The following NCAPH variants were observed in gnomAD, a reference collection of about 807,000 sequenced individuals.
The protein encoded by NCAPH is condensin complex subunit 2.
NCAPH carries 38 observed loss-of-function variants against 85.5 expected under a neutral mutation model. The observed-to-expected ratio is 0.44, with a 90% CI of 0.34 to 0.58. NCAPH has a LOEUF of 0.58. Ranked by LOEUF, NCAPH falls within the 20% of genes least tolerant of loss-of-function variation. NCAPH has a pLI of 0.01. For missense variants in NCAPH, 789 were observed against 916.6 expected, an observed-to-expected ratio of 0.86 and a Z score of 1.80; for synonymous variants, 301 against 335.1, an observed-to-expected ratio of 0.90 and a Z score of 1.11.
chr2:96,350,530 G>T (rs1207203379), intron 6 of NCAPH, among the ~76,000 whole-genome samples: 1 of 152,146 alleles, frequency 6.6e-6, no homozygotes, highest in East Asian at 1.9e-4. Context: ...ATGGGAATTG[G>T]GAGAGGCCAG....
In NCAPH at chr2:96,374,491, G is replaced by A. The variant is rs550981796; in HGVS notation, c.*1140G>A. Reference sequence around the variant, plus strand: ...GTCCTGGATCTCTGCCAGAACACCCGTCATCATTGACTGGCTAAATAGAGA... The same window carrying A: ...GTCCTGGATCTCTGCCAGAACACCCATCATCATTGACTGGCTAAATAGAGA... On this transcript the variant is annotated 3_prime_UTR_variant, in exon 18 of 18. Transcript: ENST00000240423. Among the ~76,000 whole-genome samples the A allele has an allele frequency of 7.2e-5, 11 of 152,298 alleles. No homozygotes were observed. The highest frequency in any genetic ancestry group is 2.2e-4 in the African/African-American group (9 of 41,568).
Position 96,341,430 on chromosome 2 carries a change from C to A in NCAPH, c.20-212C>A, listed in dbSNP as rs536734186. ...ATAGCTGCAGAGTGGATATTTGTCC[C>A]AGATTAACAAAGAAGCATCAGAAAC... On this transcript the variant is annotated intron_variant, in intron 1 of 17. Coordinates refer to ENST00000240423, the MANE Select transcript of NCAPH (RefSeq NM_015341.5). 17 of 569,378 alleles carry A rather than the reference C, an allele frequency of 3.0e-5. No individual in the cohort carries two copies. The East Asian group carries it at 5.1e-4, about 17-fold the overall frequency. 35.3% of individuals were successfully genotyped at this position (569,378 alleles called of 1,614,324 possible). A position where few individuals can be genotyped will look rare whatever the true frequency, so the allele number is the denominator to read the frequency against.
intron 6 of NCAPH, among the ~76,000 whole-genome samples, chr2:96,344,757 A>G (rs1164148256): frequency 6.6e-6 from 1 of 152,242 alleles, no homozygotes; most frequent in Non-Finnish European, 1.5e-5. Context: ...CGGCTTAAAC[A>G]AATGGTACTG....
Position 96,360,202 on chromosome 2 carries a change from G to T in NCAPH, c.1417G>T (p.Asp473Tyr). 1 of 1,586,318 alleles carries T rather than the reference G, an allele frequency of 6.3e-7. No homozygotes were observed. The highest frequency in any genetic ancestry group is 1.1e-5 in the South Asian group (1 of 89,320). Reference sequence around the variant, plus strand: ...GAGTACAAAAAAAGATTTTGAAATTGACTTTGAAGATGATATTGACTTTGA... The same window carrying T: ...GAGTACAAAAAAAGATTTTGAAATTTACTTTGAAGATGATATTGACTTTGA... The part of the protein sequence containing the change: ...KKSTKKDFEI[D>Y]FEDDIDFDVY... Residue 473 changes from aspartate (D) to tyrosine (Y), a missense_variant, in exon 11 of 18, where the codon GAC becomes TAC. Asp to Tyr is a radical substitution (Grantham distance 160). Coordinates refer to ENST00000240423, the MANE Select transcript of NCAPH (RefSeq NM_015341.5).
At chr2:96,372,193 G>T (rs2064783391) in intron 17 of NCAPH, among the ~76,000 whole-genome samples, 1 of 152,220 alleles carries the variant, frequency 6.6e-6, no homozygotes, top group Non-Finnish European at 1.5e-5. Flanking sequence ...GGGAAACACT[G>T]CCTGGGGTTG....
intron 16 of NCAPH, 24 bp downstream of exon 16, chr2:96,369,087 C>T (rs752644078): frequency 6.4e-7 from 1 of 1,550,522 alleles, no homozygotes; most frequent in Non-Finnish European, 8.7e-7. Flanking sequence ...GGCATGGGGG[C>T]TTTGTTGGGG....
At chr2:96,352,805 ATTTTG>A (rs1363101812) in intron 7 of NCAPH, among the ~76,000 whole-genome samples, 1 of 152,106 alleles carries the variant, frequency 6.6e-6, no homozygotes, top group Non-Finnish European at 1.5e-5. Context: ...TCTTGCCTCA[ATTTTG>A]TTTAGTATAG....
intron 17 of NCAPH, among the ~76,000 whole-genome samples, chr2:96,370,105 CA>C (rs1336803490): frequency 6.6e-6 from 1 of 152,174 alleles, no homozygotes; most frequent in South Asian, 2.1e-4. Context: ...TGGTACTACC[CA>C]GGGATACCAC....
At chr2:96,352,584 G>C (rs73958200) in intron 7 of NCAPH, among the ~76,000 whole-genome samples, 110 of 152,258 alleles carry the variant, frequency 7.2e-4, no homozygotes, top group African/African-American at 2.4e-3. Flanking sequence ...ATGTTGTAAT[G>C]AGGTGCCAGC....
In NCAPH at chr2:96,375,896, C is replaced by G. The variant is rs1237623873; in HGVS notation, c.*2545C>G. ...CCTGTTAAATCAGTTTCCTGGGGGT[C>G]GATATGAATATTTGCCACCTCAGGG... On this transcript the variant is annotated 3_prime_UTR_variant, in exon 18 of 18. Coordinates refer to ENST00000240423, the MANE Select transcript of NCAPH (RefSeq NM_015341.5). Among the ~76,000 whole-genome samples, 1 of 151,994 alleles carries G rather than the reference C, an allele frequency of 6.6e-6. No homozygotes were observed. The highest frequency in any genetic ancestry group is 1.9e-4 in the East Asian group (1 of 5,180).
intron 6 of NCAPH, among the ~76,000 whole-genome samples, chr2:96,350,326 A>G (rs1573074173): frequency 6.6e-6 from 1 of 152,314 alleles, no homozygotes; most frequent in East Asian, 1.9e-4. Context: ...TTCAGCTTTA[A>G]TGTGGGTCAG....
chr2:96,369,336 C>A, intron 16 of NCAPH, 89 bp from the exon 17 acceptor site: 1 of 1,093,636 alleles, frequency 9.1e-7, no homozygotes, highest in South Asian at 1.3e-5. Context: ...TTAGTTTAGT[C>A]ATTGCATGTG....
chr2:96,352,128 C>A, intron 7 of NCAPH, 108 bp downstream of exon 7: 1 of 1,177,142 alleles, frequency 8.5e-7, no homozygotes, highest in Non-Finnish European at 1.2e-6. Flanking sequence ...GCTTAAATTA[C>A]CCAGAAGTTT....
At chr2:96,342,173 A>G (rs2064304917) in intron 3 of NCAPH, 33 bp downstream of exon 3, 1 of 1,511,750 alleles carries the variant, frequency 6.6e-7, no homozygotes, top group Non-Finnish European at 9.2e-7. Flanking sequence ...TTGAAGACGT[A>G]ATCCCTTGAT....
At chr2:96,335,871 G>T in intron 1 of NCAPH, 23 bp downstream of exon 1, 1 of 1,462,802 alleles carries the variant, frequency 6.8e-7, no homozygotes, top group South Asian at 1.4e-5. Flanking sequence ...GTCGGGAGGC[G>T]CGGCGGGAAG....
intron 13 of NCAPH, 120 bp from the exon 14 acceptor site, chr2:96,365,756 A>T: frequency 1.0e-6 from 1 of 974,998 alleles, no homozygotes; most frequent in Non-Finnish European, 1.6e-6. Context: ...TCGTAGTGTA[A>T]CTCACTGAGT....
intron 1 of NCAPH, among the ~76,000 whole-genome samples, chr2:96,338,824 T>G (rs2064251065): frequency 6.6e-6 from 1 of 152,208 alleles, no homozygotes; most frequent in Non-Finnish European, 1.5e-5. Context: ...TTGTTTTTGT[T>G]TTTTGAGACG....
chr2:96,366,914 C>T (rs1348099967), intron 14 of NCAPH, among the ~76,000 whole-genome samples: 4 of 149,464 alleles, frequency 2.7e-5, no homozygotes, highest in South Asian at 2.1e-4. Flanking sequence ...TTTGAGACCG[C>T]GTGGCCAAAA....
Position 96,341,760 on chromosome 2 carries a change from T to A in NCAPH, c.138T>A (p.Ile46=), listed in dbSNP as rs1355350433. Residue 46 remains isoleucine, a synonymous_variant, in exon 2 of 18, where the codon ATT becomes ATA. Transcript: ENST00000240423. ...TGCCCAGGAAGGCGCCTCTCAATAT[T>A]CCTGGCACCCCAGTCCTCGAAGACT... is the stretch of plus-strand genomic sequence containing the variant. The part of the protein sequence containing the change: ...MPLPRKAPLN[I]PGTPVLEDFP... 4.3e-6 allele frequency: 7 copies of A among 1,614,170 alleles called. No homozygotes were observed. The highest frequency in any genetic ancestry group is 5.9e-6 in the Non-Finnish European group (7 of 1,180,028).
Sources: gnomAD v4.1 joint callset for allele counts (sites outside exome capture counted in the v4.1 genomes callset) on GRCh38, gnomAD v4.1.1 for gene constraint, MANE v1.5 for transcripts, NCBI Gene and HGNC (gene_info 2026-07-23, HGNC 2026-07-21) for gene names.